Variants in ARHGAP42 observed in about 807,000 individuals in gnomAD.
ARHGAP42 encodes rho GTPase-activating protein 42.
Under a neutral mutation model 125.0 loss-of-function variants are expected in ARHGAP42, and 63 were observed. That is an observed-to-expected ratio of 0.50 (90% CI 0.41 to 0.62). The LOEUF (loss-of-function observed/expected upper bound fraction) is 0.62. Among genes scored for constraint, ARHGAP42 ranks in the 20% least tolerant of loss-of-function variants. The probability of loss-of-function intolerance (pLI) is 0.00; values close to 1 mark genes in which losing one functional copy is unlikely to be tolerated. For synonymous variants in ARHGAP42, 339 were observed against 351.0 expected, an observed-to-expected ratio of 0.97 and a Z score of 0.38; for missense variants, 766 against 1,024.2, an observed-to-expected ratio of 0.75 and a Z score of 3.44.
At chr11:100,978,291 G>T (rs1161261717) in intron 21 of ARHGAP42, among the ~76,000 whole-genome samples, 2 of 152,122 alleles carry the variant, frequency 1.3e-5, no homozygotes, top group African/African-American at 4.8e-5. Flanking sequence ...AGAAGAGTTT[G>T]TCAATTAAAG....
intron 3 of ARHGAP42, among the ~76,000 whole-genome samples, chr11:100,827,831 C>T (rs192944505): frequency 8.5e-5 from 13 of 152,276 alleles, no homozygotes; most frequent in Middle Eastern, 3.4e-3. Context: ...TCACTATGCC[C>T]CACAGTGATC....
At chr11:100,926,585 C>T (rs1867430728) in intron 6 of ARHGAP42, among the ~76,000 whole-genome samples, 1 of 152,122 alleles carries the variant, frequency 6.6e-6, no homozygotes, top group African/African-American at 2.4e-5. Context: ...GAATTTGGCT[C>T]CACATCTTAC....
At chr11:100,808,935 C>T (rs971353525) in intron 3 of ARHGAP42, among the ~76,000 whole-genome samples, 4 of 152,082 alleles carry the variant, frequency 2.6e-5, no homozygotes, top group African/African-American at 9.7e-5. Context: ...TGCTATGTTA[C>T]TTCATCCTGT....
chr11:100,856,132 A>G (rs779336613), intron 3 of ARHGAP42, among the ~76,000 whole-genome samples: 2 of 152,070 alleles, frequency 1.3e-5, no homozygotes, highest in Non-Finnish European at 2.9e-5. Context: ...AAGGAATTTC[A>G]TCAAGCCTGT....
Position 100,988,838 on chromosome 11 carries a change from A to G in ARHGAP42, c.*37A>G. The G allele has an allele frequency of 4.9e-6, 7 of 1,425,384 alleles. No individual in the cohort carries two copies. The highest frequency in any genetic ancestry group is 6.8e-6 in the Non-Finnish European group (7 of 1,036,780). 88.3% of individuals were successfully genotyped at this position (1,425,384 alleles called of 1,614,324 possible). A position where few individuals can be genotyped will look rare whatever the true frequency, so the allele number is the denominator to read the frequency against. Reference sequence around the variant, plus strand: ...GGATGGCAGTATCTTCATGGTATCCATGGTAACGAATAAATGCTATGATTT... The same window carrying G: ...GGATGGCAGTATCTTCATGGTATCCGTGGTAACGAATAAATGCTATGATTT... On this transcript the variant is annotated 3_prime_UTR_variant, in exon 24 of 24. Coordinates refer to ENST00000298815, the MANE Select transcript of ARHGAP42 (RefSeq NM_152432.4).
intron 3 of ARHGAP42, among the ~76,000 whole-genome samples, chr11:100,812,337 T>G (rs1211274512): frequency 6.6e-6 from 1 of 152,204 alleles, no homozygotes; most frequent in Admixed American, 6.5e-5. Flanking sequence ...TAGCAATAAT[T>G]TATTTTCAAC....
chr11:100,729,690 A>G (rs1442704364), intron 1 of ARHGAP42, among the ~76,000 whole-genome samples: 3 of 152,146 alleles, frequency 2.0e-5, no homozygotes, highest in Non-Finnish European at 2.9e-5. Flanking sequence ...TATTATTTGC[A>G]TCCATGTTAT....
intron 4 of ARHGAP42, among the ~76,000 whole-genome samples, chr11:100,892,299 C>G (rs1866238255): frequency 6.6e-6 from 1 of 152,090 alleles, no homozygotes; most frequent in Admixed American, 6.6e-5. Flanking sequence ...TATTTTAAAG[C>G]CCTAAATTAT....
intron 12 of ARHGAP42, among the ~76,000 whole-genome samples, chr11:100,950,580 T>G (rs1857626282): frequency 6.6e-6 from 1 of 151,654 alleles, no homozygotes; most frequent in Non-Finnish European, 1.5e-5. Context: ...ATCATTAGTT[T>G]GTAGCCATTC....
intron 3 of ARHGAP42, among the ~76,000 whole-genome samples, chr11:100,845,046 TATCA>T (rs745861405): frequency 6.6e-6 from 1 of 151,988 alleles, no homozygotes; most frequent in Non-Finnish European, 1.5e-5. Flanking sequence ...CCCAAATTCC[TATCA>T]ATCAACAAGT....
intron 20 of ARHGAP42, 86 bp from the exon 21 acceptor site, chr11:100,976,729 G>A (rs1056535929): frequency 6.8e-7 from 1 of 1,470,868 alleles, no homozygotes; most frequent in African/African-American, 1.4e-5. Flanking sequence ...AGAGAAAAAT[G>A]CTTCCTTTTG....
chr11:100,818,553 G>T (rs917268185), intron 3 of ARHGAP42, among the ~76,000 whole-genome samples: 38 of 151,992 alleles, frequency 2.5e-4, no homozygotes, highest in African/African-American at 8.4e-4. Context: ...AGGGGAAAAG[G>T]AGAGGAGAGA....
chr11:100,753,297 TA>T (rs897429624), intron 1 of ARHGAP42, among the ~76,000 whole-genome samples: 1 of 152,130 alleles, frequency 6.6e-6, no homozygotes, highest in Non-Finnish European at 1.5e-5. Flanking sequence ...ATGCACTTGA[TA>T]AGGCAGGTCT....
intron 3 of ARHGAP42, among the ~76,000 whole-genome samples, chr11:100,819,272 T>C (rs1864350010): frequency 6.6e-6 from 1 of 152,160 alleles, no homozygotes; most frequent in Non-Finnish European, 1.5e-5. Context: ...ATTGTATTAA[T>C]GCTGAGAAGA....
intron 3 of ARHGAP42, among the ~76,000 whole-genome samples, chr11:100,796,005 T>C (rs143278382): frequency 6.6e-6 from 1 of 152,348 alleles, no homozygotes; most frequent in Non-Finnish European, 1.5e-5. Context: ...TTCTTTGTGC[T>C]TTACTATACC....
chr11:100,979,892 T>A (rs1858487785), intron 22 of ARHGAP42, among the ~76,000 whole-genome samples: 1 of 152,224 alleles, frequency 6.6e-6, no homozygotes, highest in African/African-American at 2.4e-5. Flanking sequence ...TACTGTTGTA[T>A]AGTTGTTGTA....
chr11:100,763,709 C>T (rs965358930), intron 1 of ARHGAP42, among the ~76,000 whole-genome samples: 15 of 151,770 alleles, frequency 9.9e-5, no homozygotes, highest in African/African-American at 3.4e-4. Context: ...AGGCTGGTCT[C>T]GAACTTCTGA....
intron 4 of ARHGAP42, 44 bp from the exon 5 acceptor site, chr11:100,913,408 G>T: frequency 1.1e-6 from 1 of 924,894 alleles, no homozygotes; most frequent in Non-Finnish European, 1.5e-6. Context: ...GGTTTTCTGG[G>T]TGCTCTGAGT....
intron 3 of ARHGAP42, among the ~76,000 whole-genome samples, chr11:100,798,356 A>G (rs146182450): frequency 2.0e-4 from 30 of 152,340 alleles, no homozygotes; most frequent in African/African-American, 5.3e-4. Flanking sequence ...AATCAATGCT[A>G]CAGACTTCAT....
Sources: allele counts gnomAD v4.1 joint callset (sites outside exome capture counted in the v4.1 genomes callset), GRCh38; gene constraint gnomAD v4.1.1; transcripts MANE v1.5; gene names NCBI Gene and HGNC (gene_info 2026-07-23, HGNC 2026-07-21).